The following C1R variants were observed in gnomAD, a reference collection of about 807,000 sequenced individuals.
The protein encoded by C1R is complement C1r.
In C1R, 15 loss-of-function variants were observed where a neutral mutation model predicts 27.6. The observed-to-expected ratio is 0.54, with a 90% CI of 0.36 to 0.84. C1R has a LOEUF of 0.84. Among genes scored for constraint, C1R ranks in the 40% least tolerant of loss-of-function variants. The pLI is 0.01. For missense variants in C1R, 544 were observed against 577.9 expected (o/e 0.94, Z 0.60); for synonymous variants, 253 against 228.8 (o/e 1.11, Z -0.95).
At chr12:7,090,010 A>C (rs749709822) in intron 3 of C1R, 46 bp downstream of exon 3, 1 of 726,736 alleles carries the variant, frequency 1.4e-6, no homozygotes, top group East Asian at 2.6e-5. Context: ...CCCCCCATTC[A>C]ATATGGCTGA....
Position 7,081,284 on chromosome 12 carries a change from T to A in C1R, c.1366A>T (p.Asn456Tyr). The A allele has an allele frequency of 6.2e-7, 1 of 1,610,672 alleles. No homozygotes were observed. The highest frequency in any genetic ancestry group is 8.5e-7 in the Non-Finnish European group (1 of 1,178,418). Residue 456 changes from asparagine (N) to tyrosine (Y), a missense_variant, in exon 11 of 11, where the codon AAC becomes TAC. Transcript: ENST00000647956. ...ATGCGCTGCCTCTGTTCCACGGGGT[T>A]CACGGGCTTCCCACACACTGAGGGA... is the stretch of plus-strand genomic sequence containing the variant. ...RCLPVCGKPV[N>Y]PVEQRQRIIG...
intron 10 of C1R, among the ~76,000 whole-genome samples, chr12:7,081,668 T>G (rs1938066858): frequency 6.6e-6 from 1 of 152,078 alleles, no homozygotes; most frequent in South Asian, 2.1e-4. Context: ...AATTTTTCTC[T>G]TTTTAGCAGA....
rs1461387237 is a variant in C1R at position 7,091,626 on chromosome 12, A to T, written c.57T>A (p.Ile19=). The change falls in exon 2 of 11, where the codon ATT becomes ATA. Residue 19 remains isoleucine (I), a synonymous_variant. Coordinates refer to ENST00000647956, the MANE Select transcript of C1R (RefSeq NM_001733.7). The surrounding 1 kb of genome is among the most constrained non-coding windows in gnomAD (Gnocchi z 5.1). ...CCCCAAATAACTTCTGAGGGATGGG[A>T]ATGGAGCCTCCTGCCCTGCAGAACA... ...PALFCRAGGS[I]PIPQKLFGEV... is the part of the protein sequence containing the mutation. 1.3e-6 allele frequency: 1 copy of T among 761,446 alleles called. No individual in the cohort carries two copies. The highest frequency in any genetic ancestry group is 2.4e-6 in the Non-Finnish European group (1 of 408,542). 47.2% of individuals were successfully genotyped at this position (761,446 alleles called of 1,614,324 possible).
rs1480156950 is a variant in C1R at position 7,089,678 on chromosome 12, CTG to C, written c.478_479del (p.Gln160ValfsTer21). 1 of 780,798 alleles carries C rather than the reference CTG, an allele frequency of 1.3e-6. No individual in the cohort carries two copies. The highest frequency in any genetic ancestry group is 2.4e-6 in the Non-Finnish European group (1 of 417,996). 48.4% of individuals were successfully genotyped at this position (780,798 alleles called of 1,614,324 possible). A position where few individuals can be genotyped will look rare whatever the true frequency, so the allele number is the denominator to read the frequency against. On this transcript the variant is annotated frameshift_variant, in exon 4 of 11. Coordinates refer to ENST00000647956, the MANE Select transcript of C1R (RefSeq NM_001733.7). LOFTEE classifies it high-confidence loss of function. ...CGTAGTTGTGACACAGGTGCTGGCA[CTG>C]GGGCTGGGGATCCTCCTCCCCTGAT... ...SKSGEEDPQP[Q>X]CQHLCHNYVG...
Position 7,092,430 on chromosome 12 carries a change from T to C in C1R, c.-42A>G, listed in dbSNP as rs770511376. 3 of 780,684 alleles carry C rather than the reference T, an allele frequency of 3.8e-6. No individual in the cohort carries two copies. In the South Asian group the frequency reaches 4.0e-5, roughly 10 times the overall value. The allele number at this position is 780,684 out of a possible 1,614,324, so 48.4% of individuals were successfully genotyped here. On this transcript the variant is annotated 5_prime_UTR_variant, in exon 1 of 11. Coordinates refer to ENST00000647956, the MANE Select transcript of C1R (RefSeq NM_001733.7). ...TGAATCCTGGGCTCTCCCGACAGCG[T>C]CTTCGTGCACTGTGTGCAGAGGGAG...
At position 7,090,221 on chromosome 12, in the gene C1R, T is replaced by G. The variant is rs759058268; in HGVS notation, c.259A>C (p.Arg87=). The G allele has an allele frequency of 2.7e-6, 2 of 739,028 alleles. No homozygotes were observed. The highest frequency in any genetic ancestry group is 3.4e-5 in the African/African-American group (2 of 58,314). 45.8% of individuals were successfully genotyped at this position (739,028 alleles called of 1,614,324 possible). The change falls in exon 3 of 11, where the codon AGG becomes CGG. Residue 87 remains arginine, a synonymous_variant. Transcript: ENST00000647956. ...GGAGAACCCAGTTGCCCACAGAACC[T>G]CCCCAGGCTTTTCTTATCAGCAGAG... ...KISADKKSLG[R]FCGQLGSPLG...
rs1468987160 is a variant in C1R, at chr12:7,085,087, TGGTGG to T, written c.1273+769_1273+773del. 2.8e-5 allele frequency among the ~76,000 whole-genome samples: 4 copies of T among 140,408 alleles called. No homozygotes were observed. The East Asian group carries it at 8.1e-4, about 28-fold the overall frequency. 92.1% of individuals were successfully genotyped at this position (140,408 alleles called of 152,430 possible). ...GTAATGATAGTGGTGATGGTGGTGA[TGGTGG>T]TGTTAGTGTGGTGGTGATGATGATG... On this transcript the variant is annotated intron_variant, in intron 9 of 10. Transcript: ENST00000647956.
At chr12:7,086,072 G>GCT (rs1938152368) in intron 8 of C1R, 56 bp from the exon 9 acceptor site, 1 of 398,614 alleles carries the variant, frequency 2.5e-6, no homozygotes, top group Non-Finnish European at 4.4e-6. Flanking sequence ...TGGAACTTCA[G>GCT]TGAGGGGAGT....
intron 9 of C1R, among the ~76,000 whole-genome samples, chr12:7,085,399 GTTA>G (rs1938138703): frequency 6.6e-6 from 1 of 151,246 alleles, no homozygotes; most frequent in African/African-American, 2.4e-5. Flanking sequence ...TGGCATCGGT[GTTA>G]GTAATGGTGG....
intron 7 of C1R, chr12:7,087,647 T>A (rs966201927): frequency 2.6e-5 from 4 of 154,392 alleles, no homozygotes; most frequent in African/African-American, 9.6e-5. Context: ...CCAATCCTCC[T>A]GATGGAGCTG....
At position 7,091,789 on chromosome 12, in the gene C1R, C is replaced by T. The variant is rs1353056182; in HGVS notation, c.3-109G>A. On this transcript the variant is annotated intron_variant, in intron 1 of 10. Coordinates refer to ENST00000647956, the MANE Select transcript of C1R (RefSeq NM_001733.7). The surrounding 1 kb of genome is among the most constrained non-coding windows in gnomAD (Gnocchi z 5.1). ...CGGCCATACCACTGGGCATTCTCCTCTCTGCCCACCCTGAACCTCACAGAC... is the reference window on the plus strand; with the variant it reads ...CGGCCATACCACTGGGCATTCTCCTTTCTGCCCACCCTGAACCTCACAGAC... 2.8e-6 allele frequency: 2 copies of T among 712,674 alleles called. No individual in the cohort carries two copies. Among genetic ancestry groups the T allele is most frequent in the African/African-American group, 1.7e-5 (1 of 57,260 alleles). 44.1% of individuals were successfully genotyped at this position (712,674 alleles called of 1,614,324 possible). A position where few individuals can be genotyped will look rare whatever the true frequency, so the allele number is the denominator to read the frequency against.
chr12:7,086,768 G>T (rs1716794179), intron 7 of C1R: 3 of 234,448 alleles, frequency 1.3e-5, no homozygotes, highest in Admixed American at 5.7e-5. Context: ...TTTGTAATTT[G>T]AAAAAATCAC....
At position 7,088,699 on chromosome 12, in the gene C1R, C is replaced by T. The variant is rs772306231; in HGVS notation, c.949G>A (p.Glu317Lys). ...IKCPQPKTLD[E>K]FTIIQNLQPQ... Reference sequence around the variant, plus strand: ...TGCAGGTTCTGGATGATGGTGAACTCGTCTAGGGTCTTGGGCTGGGGGCAC... The same window carrying T: ...TGCAGGTTCTGGATGATGGTGAACTTGTCTAGGGTCTTGGGCTGGGGGCAC... Residue 317 changes from glutamate to lysine, a missense_variant, in exon 7 of 11, where the codon GAG becomes AAG. Transcript: ENST00000647956. 9 of 775,432 alleles carry T rather than the reference C, an allele frequency of 1.2e-5. 1 individual carries two copies. Among genetic ancestry groups the T allele is most frequent in the South Asian group, 6.8e-5 (5 of 73,314 alleles). 48.0% of individuals were successfully genotyped at this position (775,432 alleles called of 1,614,324 possible).
Position 7,092,376 on chromosome 12 carries a change from C to T in C1R, c.2+11G>A, listed in dbSNP as rs750349407. On this transcript the variant is annotated intron_variant, in intron 1 of 10. Transcript: ENST00000647956. The stretch of plus-strand genomic sequence containing the variant: ...CTCCCTCCCACCTGGTTGCCCATCA[C>T]CCTTACTCACATTTCTCAAGGCCCG... The T allele has an allele frequency of 5.1e-6, 4 of 780,892 alleles. No homozygotes were observed. The highest frequency in any genetic ancestry group is 4.0e-5 in the South Asian group (3 of 74,624). The allele number at this position is 780,892 out of a possible 1,614,324, so 48.4% of individuals were successfully genotyped here.
intron 9 of C1R, among the ~76,000 whole-genome samples, chr12:7,085,435 G>C (rs1398012099): frequency 6.6e-6 from 1 of 151,906 alleles, no homozygotes. Flanking sequence ...TGTTGGTAAT[G>C]GTGGTGATAA....
chr12:7,089,925 G>T, intron 3 of C1R, 131 bp downstream of exon 3: 1 of 701,936 alleles, frequency 1.4e-6, no homozygotes. Context: ...GCCTCGTTAG[G>T]AAAAGCTCTC....
At chr12:7,092,356 TCCCA>T (rs780042446) in intron 1 of C1R, 27 bp downstream of exon 1, 9 of 780,806 alleles carry the variant, frequency 1.2e-5, no homozygotes, top group Admixed American at 3.4e-5. Flanking sequence ...GGCTTCTCCC[TCCCA>T]CCTGGTTGCC....
In C1R at chr12:7,091,426, C is replaced by A; in HGVS notation, c.231+26G>T. 1.4e-6 allele frequency: 1 copy of A among 728,144 alleles called. No homozygotes were observed. Among genetic ancestry groups the A allele is most frequent in the South Asian group, 1.5e-5 (1 of 68,324 alleles). The allele number at this position is 728,144 out of a possible 1,614,324, so 45.1% of individuals were successfully genotyped here. On this transcript the variant is annotated intron_variant, in intron 2 of 10. Transcript: ENST00000647956. The surrounding 1 kb of genome is among the most constrained non-coding windows in gnomAD (Gnocchi z 5.1). Reference sequence around the variant, plus strand: ...TCCCAGAGGGCCCAGTTTTGTCTCCCCTCTGCCCGCCCATCCTGCCCCTAC... The same window carrying A: ...TCCCAGAGGGCCCAGTTTTGTCTCCACTCTGCCCGCCCATCCTGCCCCTAC...
rs763340468 is a variant in C1R, at chr12:7,080,457, C to A, written c.*75G>T. The A allele has an allele frequency of 2.7e-6, 4 of 1,505,684 alleles. No individual in the cohort carries two copies. The highest frequency in any genetic ancestry group is 4.6e-5 in the Admixed American group (2 of 43,674). 93.3% of individuals were successfully genotyped at this position (1,505,684 alleles called of 1,614,324 possible). A position where few individuals can be genotyped will look rare whatever the true frequency, so the allele number is the denominator to read the frequency against. On this transcript the variant is annotated 3_prime_UTR_variant, in exon 11 of 11. Coordinates refer to ENST00000647956, the MANE Select transcript of C1R (RefSeq NM_001733.7). This position sits in a 1 kb window ranked among gnomAD's most constrained non-coding sequence, Gnocchi z 4.9. Reference sequence around the variant, plus strand: ...TTTAATAGAGACTCTTAGTGGTTATCAACAACTGGTCAGTTGTTTTTTGTT... The same window carrying A: ...TTTAATAGAGACTCTTAGTGGTTATAAACAACTGGTCAGTTGTTTTTTGTT...
Sources: gnomAD v4.1 joint callset for allele counts (sites outside exome capture counted in the v4.1 genomes callset) on GRCh38, gnomAD v4.1.1 for gene constraint, Gnocchi (gnomAD v3.1) non-coding constraint, MANE v1.5 for transcripts, NCBI Gene and HGNC (gene_info 2026-07-23, HGNC 2026-07-21) for gene names.